FOXJ3: variants seen among roughly 807,000 people sequenced by gnomAD.
FOXJ3 encodes forkhead box J3.
In FOXJ3, 22 loss-of-function variants were observed where a neutral mutation model predicts 76.1. The ratio of observed to expected loss-of-function variants is 0.29; its 90% confidence interval spans 0.21 to 0.41. FOXJ3 has a LOEUF of 0.41. Among genes scored for constraint, FOXJ3 ranks in the 10% least tolerant of loss-of-function variants. The pLI, the probability that FOXJ3 is intolerant of heterozygous loss-of-function variation, is 1.00. For synonymous variants in FOXJ3, 269 were observed against 261.2 expected (o/e 1.03, Z -0.29); for missense variants, 613 against 762.1 (o/e 0.80, Z 2.30).
At chr1:42,194,591 A>C (rs1005239245) in intron 8 of FOXJ3, among the ~76,000 whole-genome samples, 1 of 152,236 alleles carries the variant, frequency 6.6e-6, no homozygotes, top group Admixed American at 6.5e-5. Flanking sequence ...GATATCACTA[A>C]TTAATTATAG....
intron 4 of FOXJ3, among the ~76,000 whole-genome samples, chr1:42,261,564 G>C (rs568356049): frequency 5.1e-4 from 77 of 152,210 alleles, no homozygotes; most frequent in Admixed American, 1.1e-3. Flanking sequence ...GGAATAGATA[G>C]CCACATAAAA....
chr1:42,216,557 A>G (rs943863541), intron 5 of FOXJ3, among the ~76,000 whole-genome samples: 1 of 152,204 alleles, frequency 6.6e-6, no homozygotes, highest in Non-Finnish European at 1.5e-5. Flanking sequence ...CTTAAGTTTA[A>G]AAAGTCACAT....
At chr1:42,222,046 GAGAAGA>G (rs1161062102) in intron 5 of FOXJ3, among the ~76,000 whole-genome samples, 122 of 9,022 alleles carry the variant, frequency 0.014, no homozygotes, top group African/African-American at 0.017. Flanking sequence ...GAAGGAGAAG[GAGAAGA>G]AGAAGAAGAA....
In FOXJ3 at chr1:42,273,880, T is replaced by C. The variant is rs533736787; in HGVS notation, c.369+4468A>G. Among the ~76,000 whole-genome samples the C allele has an allele frequency of 7.2e-5, 11 of 152,140 alleles. 1 individual carries two copies. Among genetic ancestry groups the C allele is most frequent in the African/African-American group, 2.6e-4 (11 of 41,514 alleles). ...ATTTCCCTTTTCTTGGGGAGCGGGG[T>C]AGACTGGAAGATCTGCCATGTGCCC... is the stretch of plus-strand genomic sequence containing the variant. On this transcript the variant is annotated intron_variant, in intron 3 of 12. Transcript: ENST00000361346.
chr1:42,269,326 G>C (rs1256187861), intron 3 of FOXJ3, among the ~76,000 whole-genome samples: 1 of 152,064 alleles, frequency 6.6e-6, no homozygotes, highest in African/African-American at 2.4e-5. Context: ...AAATCAAGAT[G>C]GTCAGAAGAA....
chr1:42,247,316 A>G (rs961805440), intron 4 of FOXJ3, among the ~76,000 whole-genome samples: 1 of 152,212 alleles, frequency 6.6e-6, no homozygotes. Flanking sequence ...AAAAGTTTTA[A>G]AAAAATTTTT....
chr1:42,190,630 C>G (rs1320802236), intron 9 of FOXJ3, among the ~76,000 whole-genome samples: 1 of 152,114 alleles, frequency 6.6e-6, no homozygotes, highest in Non-Finnish European at 1.5e-5. Flanking sequence ...GAATCCAGAT[C>G]TCTTGAGGTA....
chr1:42,194,674 CAAGT>C (rs1169325407), intron 8 of FOXJ3, among the ~76,000 whole-genome samples: 2 of 152,088 alleles, frequency 1.3e-5, no homozygotes, highest in African/African-American at 2.4e-5. Flanking sequence ...CACTAGTAAA[CAAGT>C]AAGTAGGCAT....
intron 3 of FOXJ3, among the ~76,000 whole-genome samples, chr1:42,270,002 A>C (rs1335837829): frequency 6.6e-6 from 1 of 152,146 alleles, no homozygotes; most frequent in Non-Finnish European, 1.5e-5. Context: ...AAAAACTTCC[A>C]GTGCACTTAG....
intron 4 of FOXJ3, among the ~76,000 whole-genome samples, chr1:42,231,393 C>A (rs1032692530): frequency 6.6e-6 from 1 of 151,998 alleles, no homozygotes; most frequent in Non-Finnish European, 1.5e-5. Flanking sequence ...CACAGAAGGA[C>A]AAATATTGTA....
intron 4 of FOXJ3, among the ~76,000 whole-genome samples, chr1:42,251,164 G>C (rs1369187009): frequency 2.6e-5 from 4 of 152,004 alleles, no homozygotes; most frequent in Non-Finnish European, 5.9e-5. Context: ...AAAGAAAAGA[G>C]AAAAATTACT....
At chr1:42,297,320 G>T (rs1409684643) in intron 2 of FOXJ3, among the ~76,000 whole-genome samples, 1 of 152,148 alleles carries the variant, frequency 6.6e-6, no homozygotes, top group Non-Finnish European at 1.5e-5. Context: ...AACAAGAGTG[G>T]TGAGAGTGGA....
intron 4 of FOXJ3, among the ~76,000 whole-genome samples, chr1:42,248,734 T>C (rs951393591): frequency 1.2e-4 from 16 of 131,312 alleles, no homozygotes; most frequent in Admixed American, 1.5e-4. Flanking sequence ...TTTTTTCTTT[T>C]TTTTTTTTTT....
chr1:42,291,555 A>G (rs1653437645), intron 2 of FOXJ3, among the ~76,000 whole-genome samples: 1 of 152,188 alleles, frequency 6.6e-6, no homozygotes, highest in Non-Finnish European at 1.5e-5. Context: ...TAATCCCAGC[A>G]TTTGGGAGGC....
At position 42,186,032 on chromosome 1, in the gene FOXJ3, C is replaced by T. The variant is rs944797462; in HGVS notation, c.1645+2705G>A. On this transcript the variant is annotated intron_variant, in intron 11 of 12. Transcript: ENST00000361346. ...TCCCCCTGGATTACAATGTCCTTAT[C>T]TGTTAAATAAAGGGATAAAATTAAC... is the stretch of plus-strand genomic sequence containing the variant. Among the ~76,000 whole-genome samples, 8 of 152,264 alleles carry T rather than the reference C, an allele frequency of 5.3e-5. No individual in the cohort carries two copies. The South Asian group carries it at 1.4e-3, about 28-fold the overall frequency.
intron 2 of FOXJ3, among the ~76,000 whole-genome samples, chr1:42,291,500 G>A (rs141857837): frequency 3.0e-4 from 45 of 152,288 alleles, no homozygotes; most frequent in African/African-American, 1.1e-3. Context: ...TCTTAAAAAG[G>A]ACTTGTGCAG....
At chr1:42,276,681 C>A (rs1201447313) in intron 3 of FOXJ3, among the ~76,000 whole-genome samples, 3 of 152,068 alleles carry the variant, frequency 2.0e-5, no homozygotes, top group African/African-American at 7.2e-5. Context: ...CTCAAAGCAT[C>A]CCCCCAAAAC....
At chr1:42,331,841 A>G (rs896805672) in intron 1 of FOXJ3, among the ~76,000 whole-genome samples, 8 of 151,860 alleles carry the variant, frequency 5.3e-5, no homozygotes, top group African/African-American at 1.9e-4. Context: ...AAAAAAAAAA[A>G]GAATAAAAGT....
chr1:42,332,317 A>G (rs1482134418), intron 1 of FOXJ3, among the ~76,000 whole-genome samples: 18 of 152,100 alleles, frequency 1.2e-4, no homozygotes. Flanking sequence ...CTTTCATCTA[A>G]CCGTTCATTG....
Sources: allele counts gnomAD v4.1 joint callset (sites outside exome capture counted in the v4.1 genomes callset), GRCh38; gene constraint gnomAD v4.1.1; transcripts MANE v1.5; gene names NCBI Gene and HGNC (gene_info 2026-07-23, HGNC 2026-07-21).